CIITA: variants seen among roughly 807,000 people sequenced by gnomAD.
CIITA encodes class II major histocompatibility complex transactivator.
A neutral mutation model predicts 115.1 loss-of-function variants in CIITA; 72 were observed. The observed-to-expected ratio is 0.63, with a 90% CI of 0.52 to 0.76. The LOEUF is 0.76. CIITA is among the 30% of genes least tolerant of loss of function. CIITA has a pLI of 0.00. For missense variants in CIITA, 1,617 were observed against 1,463.8 expected, an observed-to-expected ratio of 1.10 and a Z score of -1.71; for synonymous variants, 763 against 635.6, an observed-to-expected ratio of 1.20 and a Z score of -3.02.
chr16:10,882,031 G>A (rs1322933374), intron 1 of CIITA, among the ~76,000 whole-genome samples: 5 of 152,186 alleles, frequency 3.3e-5, no homozygotes, highest in African/African-American at 4.8e-5. Flanking sequence ...ATTCTAATAT[G>A]TGGATATCCC....
chr16:10,916,586 G>A, intron 15 of CIITA, 127 bp downstream of exon 15: 1 of 810,642 alleles, frequency 1.2e-6, no homozygotes, highest in Non-Finnish European at 2.1e-6. Flanking sequence ...AGAATATAGT[G>A]CTATGATCAT....
Position 10,941,861 on chromosome 16 carries a change from A to T in CIITA, n.987A>T. On this transcript the variant is annotated non_coding_transcript_exon_variant, in exon 2 of 2. Transcript: ENST00000573379. This position sits in a 1 kb window ranked among gnomAD's most constrained non-coding sequence, Gnocchi z 6.4. ...ACGAGGCCCACGTTGAGGACGATGT[A>T]CTCCATGAGGAAGGCGTAGTACAGG... 1.2e-6 allele frequency: 2 copies of T among 1,612,522 alleles called. No homozygotes were observed. Among genetic ancestry groups the T allele is most frequent in the Non-Finnish European group, 1.7e-6 (2 of 1,179,760 alleles).
intron 15 of CIITA, chr16:10,916,864 G>A (rs2039980401): frequency 2.6e-6 from 1 of 381,848 alleles, no homozygotes; most frequent in Non-Finnish European, 4.9e-6. Context: ...AATATTTAAG[G>A]AGGACCTACT....
At chr16:10,922,860 C>G (rs1053741988) in intron 18 of CIITA, 5 of 495,388 alleles carry the variant, frequency 1.0e-5, no homozygotes, top group Non-Finnish European at 1.8e-5. Flanking sequence ...ATTAAGTCAC[C>G]ATGATGTCCA....
At position 10,895,277 on chromosome 16, in the gene CIITA, C is replaced by A. The variant is rs1212936952; in HGVS notation, c.53-5C>A. 72 of 1,613,690 alleles carry A rather than the reference C, an allele frequency of 4.5e-5. No individual in the cohort carries two copies. The highest frequency in any genetic ancestry group is 5.5e-5 in the Non-Finnish European group (65 of 1,180,026). ...GAGGTGACTGAGCATTGTCTTCCCTCCCAGGCAGCTCACAGTGTGCCACCA... is the reference window on the plus strand; with the variant it reads ...GAGGTGACTGAGCATTGTCTTCCCTACCAGGCAGCTCACAGTGTGCCACCA... On this transcript the variant is annotated splice_polypyrimidine_tract_variant and splice_region_variant and intron_variant, in intron 1 of 19. Coordinates refer to ENST00000324288, the MANE Select transcript of CIITA (RefSeq NM_000246.4).
At chr16:10,900,075 T>C (rs994851838) in intron 5 of CIITA, among the ~76,000 whole-genome samples, 9 of 152,066 alleles carry the variant, frequency 5.9e-5, no homozygotes, top group Admixed American at 2.0e-4. Context: ...AGTAAGACTC[T>C]GTCTCAAACA....
At chr16:10,904,620 T>C (rs2039011226) in intron 9 of CIITA, 124 bp from the exon 10 acceptor site, 2 of 944,360 alleles carry the variant, frequency 2.1e-6, no homozygotes, top group Non-Finnish European at 3.5e-6. Context: ...CAGGCCGCTA[T>C]CTTATAACCT....
At chr16:10,918,185 G>T (rs890471880) in intron 15 of CIITA, among the ~76,000 whole-genome samples, 2 of 152,194 alleles carry the variant, frequency 1.3e-5, no homozygotes, top group Admixed American at 6.5e-5. Context: ...GAAAAGTGGC[G>T]CAGAGGGAAA....
At position 10,935,831 on chromosome 16, in the gene CIITA, GTA is replaced by G. The variant is rs2041001169; in HGVS notation, c.*11977_*11978del. ...AGACAGTTTACAAAACACCAGCCTT[GTA>G]CTCTGCTTAATATGTCAATGTCACA... On this transcript the variant is annotated 3_prime_UTR_variant, in exon 20 of 20. Transcript: ENST00000324288. The G allele has an allele frequency of 6.6e-6, 1 of 152,164 alleles. No individual in the cohort carries two copies. The highest frequency in any genetic ancestry group is 6.5e-5 in the Admixed American group (1 of 15,276). The allele number at this position is 152,164 out of a possible 1,614,324, so 9.4% of individuals were successfully genotyped here. A position where few individuals can be genotyped will look rare whatever the true frequency, so the allele number is the denominator to read the frequency against.
At position 10,929,386 on chromosome 16, in the gene CIITA, AG is replaced by A. The variant is rs890871571; in HGVS notation, c.*5533del. 6.1e-6 allele frequency: 6 copies of A among 985,814 alleles called. No homozygotes were observed. The African/African-American group carries it at 1.0e-4, about 17-fold the overall frequency. 61.1% of individuals were successfully genotyped at this position (985,814 alleles called of 1,614,324 possible). A position where few individuals can be genotyped will look rare whatever the true frequency, so the allele number is the denominator to read the frequency against. Reference sequence around the variant, plus strand: ...CTGCAAATAATCAGAAGCCAAGGCCAGGCCATCGATTTGACACTGCAGGCAG... The same window carrying A: ...CTGCAAATAATCAGAAGCCAAGGCCAGCCATCGATTTGACACTGCAGGCAG... On this transcript the variant is annotated 3_prime_UTR_variant, in exon 20 of 20. Transcript: ENST00000324288. This position sits in a 1 kb window ranked among gnomAD's most constrained non-coding sequence, Gnocchi z 4.3.
chr16:10,910,173 G>T lies in CIITA; in HGVS notation c.2817-15G>T, dbSNP rs753046589. On this transcript the variant is annotated splice_polypyrimidine_tract_variant and intron_variant, in intron 12 of 19. Transcript: ENST00000324288. ...AGCAGTGCCTGCTCCCCCTAACATT[G>T]CCTGTTCTCTCCAGGACGAGAAGTT... The T allele has an allele frequency of 2.5e-6, 4 of 1,612,750 alleles. No homozygotes were observed. The South Asian group carries it at 4.4e-5, about 18-fold the overall frequency.
chr16:10,922,549 G>C (rs142510943), intron 18 of CIITA, 59 bp downstream of exon 18: 32 of 1,559,548 alleles, frequency 2.1e-5, no homozygotes, highest in Non-Finnish European at 2.8e-5. Context: ...GTGTGGCCCA[G>C]TGTGACCCCG....
At position 10,879,451 on chromosome 16, in the gene CIITA, C is replaced by T. The variant is rs558127701; in HGVS notation, c.52+2069C>T. Among the ~76,000 whole-genome samples, 1 of 152,340 alleles carries T rather than the reference C, an allele frequency of 6.6e-6. No homozygotes were observed. Among genetic ancestry groups the T allele is most frequent in the South Asian group, 2.1e-4 (1 of 4,832 alleles). On this transcript the variant is annotated intron_variant, in intron 1 of 19. Coordinates refer to ENST00000324288, the MANE Select transcript of CIITA (RefSeq NM_000246.4). The surrounding 1 kb of genome is among the most constrained non-coding windows in gnomAD (Gnocchi z 4.3). ...CAGACTTTGGACCAGGGCCGCCGTT[C>T]CCTGAGCTTCACTTTCCCTGTTGGG...
intron 5 of CIITA, among the ~76,000 whole-genome samples, chr16:10,900,376 A>C (rs1002047932): frequency 6.6e-6 from 1 of 151,774 alleles, no homozygotes; most frequent in Non-Finnish European, 1.5e-5. Flanking sequence ...CAGCTTCTTT[A>C]TTTTCTTTCT....
chr16:10,866,588 T>C, intron 1 of CIITA: 1 of 517,064 alleles, frequency 1.9e-6, no homozygotes, highest in Non-Finnish European at 3.8e-6. Context: ...TTGGCATCAC[T>C]TTTAATCAAG....
chr16:10,904,786 T>A lies in CIITA; in HGVS notation c.980T>A (p.Val327Asp). The change falls in exon 10 of 20, where the codon GTC becomes GAC. Residue 327 changes from valine to aspartate, a missense_variant. Physicochemically the swap from Val to Asp is radical, Grantham distance 152 (BLOSUM62 -3). Coordinates refer to ENST00000324288, the MANE Select transcript of CIITA (RefSeq NM_000246.4). ...ACCCAATGCCCGGCAGCTGGAGAGG[T>A]CTCCAACAAGCTTCCAAAATGGCCT... ...SPTQCPAAGEVSNKLPKWPEP... is the reference protein window; with the variant it reads ...SPTQCPAAGEDSNKLPKWPEP... 1.2e-6 allele frequency: 2 copies of A among 1,613,968 alleles called. No individual in the cohort carries two copies. The highest frequency in any genetic ancestry group is 1.7e-6 in the Non-Finnish European group (2 of 1,179,976).
At chr16:10,884,229 G>T (rs1454460736) in intron 1 of CIITA, among the ~76,000 whole-genome samples, 1 of 145,418 alleles carries the variant, frequency 6.9e-6, no homozygotes, top group Non-Finnish European at 1.5e-5. Context: ...CCACTTTCCT[G>T]CTCTGAAGTT....
In CIITA at chr16:10,895,661, C is replaced by T. The variant is rs1196619920; in HGVS notation, c.200-8C>T. The T allele has an allele frequency of 6.2e-7, 1 of 1,614,008 alleles. No homozygotes were observed. The highest frequency in any genetic ancestry group is 8.5e-7 in the Non-Finnish European group (1 of 1,180,000). On this transcript the variant is annotated splice_polypyrimidine_tract_variant and splice_region_variant and intron_variant, in intron 2 of 19. Transcript: ENST00000324288. ...TTCCTTCTTCATCCAAGGGACTTTT[C>T]CTCCCAGAACCCGACACAGACACCA...
intron 14 of CIITA, among the ~76,000 whole-genome samples, 158 bp from the exon 15 acceptor site, chr16:10,916,209 C>T (rs937794279): frequency 2.0e-5 from 3 of 152,152 alleles, no homozygotes; most frequent in Non-Finnish European, 4.4e-5. Context: ...ATGAAGTCCT[C>T]GTCTGAAAAG....
Sources: allele counts gnomAD v4.1 joint callset (sites outside exome capture counted in the v4.1 genomes callset), GRCh38; gene constraint gnomAD v4.1.1; non-coding constraint Gnocchi (gnomAD v3.1); transcripts MANE v1.5; gene names NCBI Gene and HGNC (gene_info 2026-07-23, HGNC 2026-07-21).